CUTC: variants seen among roughly 807,000 people sequenced by gnomAD.
CUTC encodes the protein cutC copper transporter, also known as copper homeostasis protein cutC homolog.
Under a neutral mutation model 36.2 loss-of-function variants are expected in CUTC, and 27 were observed. The observed-to-expected ratio is 0.75, with a 90% CI of 0.55 to 1.03. The LOEUF is 1.03. CUTC is among the 50% of genes least tolerant of loss of function. CUTC has a pLI of 0.00. For synonymous variants in CUTC, 114 were observed against 118.3 expected (o/e 0.96, Z 0.24); for missense variants, 315 against 343.5 (o/e 0.92, Z 0.66).
intron 3 of CUTC, among the ~76,000 whole-genome samples, chr10:99,740,904 T>C (rs1053854161): frequency 2.0e-5 from 3 of 152,232 alleles, no homozygotes; most frequent in African/African-American, 2.4e-5. Context: ...TCTCATACAT[T>C]GTAGTCTTCA....
At chr10:99,753,582 GTA>G (rs1194149904) in intron 7 of CUTC, among the ~76,000 whole-genome samples, 1 of 152,058 alleles carries the variant, frequency 6.6e-6, no homozygotes, top group African/African-American at 2.4e-5. Context: ...GCTAATTTTT[GTA>G]TGTTTTTGTA....
At chr10:99,745,433 T>TA (rs2133673640) in intron 5 of CUTC, among the ~76,000 whole-genome samples, 1 of 152,344 alleles carries the variant, frequency 6.6e-6, no homozygotes, top group South Asian at 2.1e-4. Context: ...CACTACCACC[T>TA]AATCCACTGC....
chr10:99,738,099 C>G (rs1305509718), intron 2 of CUTC, among the ~76,000 whole-genome samples: 1 of 150,846 alleles, frequency 6.6e-6, no homozygotes, highest in Non-Finnish European at 1.5e-5. Context: ...GAGCCGAGAT[C>G]ACGCCATTGC....
rs148504396 is a variant in CUTC at position 99,743,914 on chromosome 10, T to C, written c.404-123T>C. 11 of 619,800 alleles carry C rather than the reference T, an allele frequency of 1.8e-5. No homozygotes were observed. The East Asian group carries it at 3.4e-4, about 19-fold the overall frequency. 38.4% of individuals were successfully genotyped at this position (619,800 alleles called of 1,614,324 possible). On this transcript the variant is annotated intron_variant, in intron 4 of 8. Transcript: ENST00000370476. Reference sequence around the variant, plus strand: ...GTAAGGCTGCCATTTTATTATTATGTCAGTTTACTGTCTTGTTAGGCGAAG... The same window carrying C: ...GTAAGGCTGCCATTTTATTATTATGCCAGTTTACTGTCTTGTTAGGCGAAG...
At chr10:99,741,624 G>A (rs956701074) in intron 3 of CUTC, among the ~76,000 whole-genome samples, 1 of 151,440 alleles carries the variant, frequency 6.6e-6, no homozygotes, top group Non-Finnish European at 1.5e-5. Context: ...GACTGAAGTG[G>A]TGTGACCATA....
At chr10:99,734,820 A>T (rs2037281597) in intron 1 of CUTC, among the ~76,000 whole-genome samples, 1 of 152,038 alleles carries the variant, frequency 6.6e-6, no homozygotes, top group Non-Finnish European at 1.5e-5. Context: ...CTTACTTAGG[A>T]GGCCAGACGT....
chr10:99,742,839 T>C (rs2037350723), intron 3 of CUTC, among the ~76,000 whole-genome samples: 1 of 152,174 alleles, frequency 6.6e-6, no homozygotes, highest in Admixed American at 6.5e-5. Flanking sequence ...AATTGGATCT[T>C]GGGGAATAAT....
At chr10:99,734,518 AAAG>A (rs1232251192) in intron 1 of CUTC, among the ~76,000 whole-genome samples, 1 of 152,252 alleles carries the variant, frequency 6.6e-6, no homozygotes, top group African/African-American at 2.4e-5. Flanking sequence ...AGAAAAGTAA[AAAG>A]AAGAAAATAA....
Position 99,736,274 on chromosome 10 carries a change from TTG to T in CUTC, c.94_95del (p.Val32Ter), listed in dbSNP as rs764862456. 11 of 1,613,812 alleles carry T rather than the reference TTG, an allele frequency of 6.8e-6. No individual in the cohort carries two copies. The highest frequency in any genetic ancestry group is 9.3e-6 in the Non-Finnish European group (11 of 1,179,896). The part of the protein sequence containing the change: ...GAANGFLMEV[C>X]VDSVESAVNA... ...CAGCAAATGGATTTCTCATGGAAGT[TTG>T]TGTTGATTCAGTGGAATCAGCTGTG... On this transcript the variant is annotated frameshift_variant, in exon 2 of 9. Transcript: ENST00000370476. LOFTEE classifies it high-confidence loss of function.
chr10:99,743,376 T>C lies in CUTC; in HGVS notation c.403+14T>C. 6.2e-7 allele frequency: 1 copy of C among 1,603,594 alleles called. No individual in the cohort carries two copies. The highest frequency in any genetic ancestry group is 1.7e-4 in the Middle Eastern group (1 of 6,058). The stretch of plus-strand genomic sequence containing the variant: ...TGTCCCTTATGGGTAAGAATTTGTA[T>C]CTAAGACGTAAAAGCCTCTAATGAT... On this transcript the variant is annotated intron_variant, in intron 4 of 8. Coordinates refer to ENST00000370476, the MANE Select transcript of CUTC (RefSeq NM_015960.3).
At chr10:99,742,724 G>A (rs1245843317) in intron 3 of CUTC, among the ~76,000 whole-genome samples, 2 of 150,098 alleles carry the variant, frequency 1.3e-5, no homozygotes, top group African/African-American at 4.9e-5. Context: ...AAAAAAAAAA[G>A]GTTTTGCTAA....
chr10:99,739,943 T>C (rs1223741429), intron 3 of CUTC, among the ~76,000 whole-genome samples, 174 bp downstream of exon 3: 1 of 152,236 alleles, frequency 6.6e-6, no homozygotes, highest in African/African-American at 2.4e-5. Flanking sequence ...CATATTTCTT[T>C]CTCACATCAA....
At chr10:99,750,308 T>G (rs1286646590) in intron 6 of CUTC, 61 bp from the exon 7 acceptor site, 7 of 1,300,152 alleles carry the variant, frequency 5.4e-6, no homozygotes, top group Admixed American at 2.1e-5. Flanking sequence ...TCTCACTGCC[T>G]TATTATCCCA....
chr10:99,732,296 A>G lies in CUTC; in HGVS notation c.-53A>G, dbSNP rs1228694464. 2 of 1,548,636 alleles carry G rather than the reference A, an allele frequency of 1.3e-6. No homozygotes were observed. The highest frequency in any genetic ancestry group is 1.4e-5 in the African/African-American group (1 of 73,002). On this transcript the variant is annotated 5_prime_UTR_variant, in exon 1 of 9. Coordinates refer to ENST00000370476, the MANE Select transcript of CUTC (RefSeq NM_015960.3). Reference sequence around the variant, plus strand: ...GCGCTTCTTAGCTGGTGCGCGCCGGAGCCCAAATTCCAAGTGGAAACTGCA... The same window carrying G: ...GCGCTTCTTAGCTGGTGCGCGCCGGGGCCCAAATTCCAAGTGGAAACTGCA...
chr10:99,739,661 TAAC>T (rs1229070939), intron 2 of CUTC, 46 bp from the exon 3 acceptor site: 3 of 1,544,166 alleles, frequency 1.9e-6, no homozygotes, highest in South Asian at 2.3e-5. Flanking sequence ...TGCTGTTTAA[TAAC>T]AGCTTATTTT....
At position 99,755,985 on chromosome 10, in the gene CUTC, T is replaced by C. The variant is rs2037454234; in HGVS notation, c.*246T>C. 4 of 389,858 alleles carry C rather than the reference T, an allele frequency of 1.0e-5. No homozygotes were observed. The highest frequency in any genetic ancestry group is 4.3e-5 in the Admixed American group (1 of 23,476). The allele number at this position is 389,858 out of a possible 1,614,324, so 24.1% of individuals were successfully genotyped here. ...TTAAAGCTGGTCTGTGCTTCTTCCATAGACAGAAGCTTAGTCTGTTTTCAG... is the reference window on the plus strand; with the variant it reads ...TTAAAGCTGGTCTGTGCTTCTTCCACAGACAGAAGCTTAGTCTGTTTTCAG... On this transcript the variant is annotated 3_prime_UTR_variant, in exon 9 of 9. Coordinates refer to ENST00000370476, the MANE Select transcript of CUTC (RefSeq NM_015960.3).
chr10:99,736,121 G>A, intron 1 of CUTC, 125 bp from the exon 2 acceptor site: 1 of 692,112 alleles, frequency 1.4e-6, no homozygotes, highest in Admixed American at 2.3e-5. Flanking sequence ...ATGGGCCCTA[G>A]TGTACTTATC....
Position 99,744,027 on chromosome 10 carries a change from CT to C in CUTC, c.404-5del. ...TTCATTCATGTTGTTATATGACTTT[CT>C]TTTTATAGCTATTTGCCGCCCTCTG... is the stretch of plus-strand genomic sequence containing the variant. On this transcript the variant is annotated splice_polypyrimidine_tract_variant and intron_variant, in intron 4 of 8. Coordinates refer to ENST00000370476, the MANE Select transcript of CUTC (RefSeq NM_015960.3). 2 of 1,610,588 alleles carry C rather than the reference CT, an allele frequency of 1.2e-6. No homozygotes were observed. The highest frequency in any genetic ancestry group is 8.5e-7 in the Non-Finnish European group (1 of 1,177,992).
Position 99,755,606 on chromosome 10 carries a change from TTTA to T in CUTC, c.708-13_708-11del, listed in dbSNP as rs1209259688. 2 of 1,509,710 alleles carry T rather than the reference TTTA, an allele frequency of 1.3e-6. No individual in the cohort carries two copies. Among genetic ancestry groups the T allele is most frequent in the Admixed American group, 3.4e-5 (2 of 59,472 alleles). The allele number at this position is 1,509,710 out of a possible 1,614,324, so 93.5% of individuals were successfully genotyped here. A position where few individuals can be genotyped will look rare whatever the true frequency, so the allele number is the denominator to read the frequency against. ...ATTTAATAACATAATTATCTGTTCC[TTTA>T]TTATTTCTGTTACAGAAATTCATCT... On this transcript the variant is annotated splice_polypyrimidine_tract_variant and intron_variant, in intron 8 of 8. Coordinates refer to ENST00000370476, the MANE Select transcript of CUTC (RefSeq NM_015960.3).
Sources: gnomAD v4.1 joint callset for allele counts (sites outside exome capture counted in the v4.1 genomes callset) on GRCh38, gnomAD v4.1.1 for gene constraint, MANE v1.5 for transcripts, NCBI Gene and HGNC (gene_info 2026-07-23, HGNC 2026-07-21) for gene names.